Variants in BRD1 observed in about 807,000 individuals in gnomAD.
BRD1 encodes bromodomain containing 1, also known as bromodomain-containing protein 1.
BRD1 carries 24 observed loss-of-function variants against 107.7 expected under a neutral mutation model. That is an observed-to-expected ratio of 0.22 (90% CI 0.16 to 0.31). The LOEUF is 0.31. Ranked by LOEUF, BRD1 falls within the 10% of genes least tolerant of loss-of-function variation. BRD1 has a pLI of 1.00. For missense variants in BRD1, 1,279 were observed against 1,638.6 expected, an observed-to-expected ratio of 0.78 and a Z score of 3.79; for synonymous variants, 744 against 686.1, an observed-to-expected ratio of 1.08 and a Z score of -1.32.
intron 2 of BRD1, among the ~76,000 whole-genome samples, chr22:49,822,499 G>A (rs1297912963): frequency 6.6e-6 from 1 of 151,650 alleles, no homozygotes; most frequent in Non-Finnish European, 1.5e-5. Context: ...CTTGAGGTCA[G>A]GCGTTTGAGA....
Position 49,787,601 on chromosome 22 carries a change from A to C in BRD1, c.2646T>G (p.Ser882=). 6.4e-7 allele frequency: 1 copy of C among 1,555,166 alleles called. No homozygotes were observed. The highest frequency in any genetic ancestry group is 8.7e-7 in the Non-Finnish European group (1 of 1,149,004). ...CACTTTTCGATTTGCAGAAGAGAACAGAAGTGCGTCTGTTTACATCGCTTG... is the reference window on the plus strand; with the variant it reads ...CACTTTTCGATTTGCAGAAGAGAACCGAAGTGCGTCTGTTTACATCGCTTG... The part of the protein sequence containing the change: ...EPASDVNRRT[S]VLFCKSKSVS... The change falls in exon 8 of 13, where the codon TCT becomes TCG. Residue 882 remains serine (S), a synonymous_variant. Transcript: ENST00000404760.
intron 7 of BRD1, among the ~76,000 whole-genome samples, chr22:49,789,662 C>T (rs1249334945): frequency 6.6e-6 from 1 of 152,190 alleles, no homozygotes; most frequent in African/African-American, 2.4e-5. Context: ...CCAGCACCTC[C>T]GGGAGACCCC....
At chr22:49,782,666 C>T (rs1056005386) in intron 8 of BRD1, among the ~76,000 whole-genome samples, 6 of 146,942 alleles carry the variant, frequency 4.1e-5, no homozygotes, top group South Asian at 4.4e-4. Flanking sequence ...ACCCACTCCG[C>T]GACAATGCAG....
rs201150290 is a variant in BRD1 at position 49,776,985 on chromosome 22, G to A, written c.3121+49C>T. 92 of 1,608,400 alleles carry A rather than the reference G, an allele frequency of 5.7e-5. No individual in the cohort carries two copies. The African/African-American group carries it at 8.7e-4, about 15-fold the overall frequency. ...GTCCCCAGCAGTCGAGCCCTAAGAC[G>A]CTAACCAGGAGGTGTGGAGAGCCAT... On this transcript the variant is annotated intron_variant, in intron 10 of 12. Transcript: ENST00000404760.
chr22:49,795,726 G>A (rs931466713), intron 6 of BRD1, among the ~76,000 whole-genome samples: 1 of 152,234 alleles, frequency 6.6e-6, no homozygotes, highest in Non-Finnish European at 1.5e-5. Flanking sequence ...AGAGCTGATG[G>A]CAGGCAAGGC....
intron 3 of BRD1, among the ~76,000 whole-genome samples, chr22:49,801,349 C>T (rs1353748637): frequency 1.3e-5 from 2 of 152,198 alleles, no homozygotes; most frequent in Non-Finnish European, 2.9e-5. Flanking sequence ...GCAGCACCCT[C>T]GGCGCCTGCT....
Position 49,812,719 on chromosome 22 carries a change from T to C in BRD1, c.1368-8359A>G, listed in dbSNP as rs533351095. On this transcript the variant is annotated intron_variant, in intron 2 of 12. Coordinates refer to ENST00000404760, the MANE Select transcript of BRD1 (RefSeq NM_001304808.3). The stretch of plus-strand genomic sequence containing the variant: ...GACTCTAACCAGAAGTCTGACAAGG[T>C]GAAGCAGGAACTTTAAAGCTACTGC... Among the ~76,000 whole-genome samples the C allele has an allele frequency of 2.1e-4, 32 of 152,226 alleles. No individual in the cohort carries two copies. In the South Asian group the frequency reaches 5.6e-3, roughly 27 times the overall value.
At chr22:49,796,489 T>C (rs1238155927) in intron 6 of BRD1, among the ~76,000 whole-genome samples, 2 of 152,144 alleles carry the variant, frequency 1.3e-5, no homozygotes, top group African/African-American at 2.4e-5. Context: ...CCGAAATAGC[T>C]GGGATTACAG....
rs865807992 is a variant in BRD1 at position 49,827,838 on chromosome 22, G to A, written c.-356C>T. Among the ~76,000 whole-genome samples, 2 of 145,696 alleles carry A rather than the reference G, an allele frequency of 1.4e-5. No individual in the cohort carries two copies. Among genetic ancestry groups the A allele is most frequent in the African/African-American group, 2.5e-5 (1 of 40,266 alleles). ...GGGGCTGGCTCGGACTCCAGGGCCG[G>A]GTCGCTCGCTCGCTCCCCAGCGAAG... On this transcript the variant is annotated 5_prime_UTR_variant, in exon 1 of 13. Coordinates refer to ENST00000404760, the MANE Select transcript of BRD1 (RefSeq NM_001304808.3).
intron 2 of BRD1, among the ~76,000 whole-genome samples, chr22:49,804,800 G>A (rs557704180): frequency 7.2e-4 from 109 of 152,022 alleles, no homozygotes; most frequent in African/African-American, 2.6e-3. Flanking sequence ...GGTGTGAGCC[G>A]AAATCGCACC....
chr22:49,788,378 A>C (rs761873586), intron 7 of BRD1, among the ~76,000 whole-genome samples: 57 of 152,064 alleles, frequency 3.7e-4, no homozygotes, highest in African/African-American at 1.1e-3. Flanking sequence ...AACAAACAAA[A>C]AAAACAGGGA....
intron 6 of BRD1, among the ~76,000 whole-genome samples, 195 bp from the exon 7 acceptor site, chr22:49,794,489 C>T (rs189357023): frequency 8.1e-4 from 123 of 152,366 alleles, no homozygotes; most frequent in African/African-American, 2.8e-3. Flanking sequence ...CAGGAACACA[C>T]TGGGATGCTC....
intron 2 of BRD1, chr22:49,806,752 C>G (rs1243704517): frequency 6.6e-6 from 1 of 152,270 alleles, no homozygotes; most frequent in Non-Finnish European, 1.5e-5. Context: ...AATCCCAGCA[C>G]TTTGGGAGGC....
intron 1 of BRD1, among the ~76,000 whole-genome samples, chr22:49,826,585 C>A (rs940377072): frequency 6.6e-6 from 1 of 152,250 alleles, no homozygotes; most frequent in South Asian, 2.1e-4. Flanking sequence ...ATCTTCCCAC[C>A]GCCCGCCCAG....
intron 2 of BRD1, chr22:49,818,207 A>G: frequency 8.7e-7 from 1 of 1,149,854 alleles, no homozygotes; most frequent in East Asian, 6.6e-5. Flanking sequence ...AGGAGCACCC[A>G]TCACAAAGCC....
At position 49,783,824 on chromosome 22, in the gene BRD1, T is replaced by C. The variant is rs1043576205; in HGVS notation, c.2857+3566A>G. ...AGGATGTTTGAGCTGATGATTCCAA[T>C]GTGATCCGCAAGAATTAAGTGAAAG... On this transcript the variant is annotated intron_variant, in intron 8 of 12. Coordinates refer to ENST00000404760, the MANE Select transcript of BRD1 (RefSeq NM_001304808.3). The surrounding 1 kb of genome is among the most constrained non-coding windows in gnomAD (Gnocchi z 4.2). 1.3e-5 allele frequency among the ~76,000 whole-genome samples: 2 copies of C among 152,202 alleles called. No individual in the cohort carries two copies. The highest frequency in any genetic ancestry group is 4.8e-5 in the African/African-American group (2 of 41,456).
Position 49,790,048 on chromosome 22 carries a change from A to G in BRD1, c.2360-2161T>C, listed in dbSNP as rs369896496. Among the ~76,000 whole-genome samples the G allele has an allele frequency of 3.9e-5, 6 of 152,326 alleles. No homozygotes were observed. The East Asian group carries it at 5.8e-4, about 15-fold the overall frequency. On this transcript the variant is annotated intron_variant, in intron 7 of 12. Transcript: ENST00000404760. The stretch of plus-strand genomic sequence containing the variant: ...ACATGCAGGCCGGGCTCCAGCCGCC[A>G]GCACGCAGGCTAAAGGATGCGTTCC...
Position 49,777,018 on chromosome 22 carries a change from G to A in BRD1, c.3121+16C>T, listed in dbSNP as rs753084109. On this transcript the variant is annotated intron_variant, in intron 10 of 12. Transcript: ENST00000404760. ...GGAGGTGTGGAGAGCCATGGAGGCA[G>A]GTCCGGGCGACTCACCGGCTGCGAT... 6.2e-7 allele frequency: 1 copy of A among 1,612,888 alleles called. No individual in the cohort carries two copies. Among genetic ancestry groups the A allele is most frequent in the Non-Finnish European group, 8.5e-7 (1 of 1,179,958 alleles).
intron 7 of BRD1, among the ~76,000 whole-genome samples, chr22:49,790,985 C>T (rs1467476379): frequency 6.6e-6 from 1 of 152,268 alleles, no homozygotes; most frequent in Non-Finnish European, 1.5e-5. Flanking sequence ...GAAATGCAAG[C>T]CCCTTTCACC....
Sources: allele counts gnomAD v4.1 joint callset (sites outside exome capture counted in the v4.1 genomes callset), GRCh38; gene constraint gnomAD v4.1.1; non-coding constraint Gnocchi (gnomAD v3.1); transcripts MANE v1.5; gene names NCBI Gene and HGNC (gene_info 2026-07-23, HGNC 2026-07-21).